The following LNPEP variants were observed in gnomAD, a reference collection of about 807,000 sequenced individuals.
LNPEP encodes leucyl and cystinyl aminopeptidase, also known as leucyl-cystinyl aminopeptidase.
Under a neutral mutation model 120.6 loss-of-function variants are expected in LNPEP, and 64 were observed. The ratio of observed to expected loss-of-function variants is 0.53; its 90% CI spans 0.43 to 0.65. The LOEUF is 0.65. Among genes scored for constraint, LNPEP ranks in the 30% least tolerant of loss-of-function variants. The pLI is 0.00. For missense variants in LNPEP, 1,057 were observed against 1,200.0 expected, an observed-to-expected ratio of 0.88 and a Z score of 1.76; for synonymous variants, 435 against 425.4, an observed-to-expected ratio of 1.02 and a Z score of -0.28.
At chr5:96,953,898 A>G (rs573034683) in intron 1 of LNPEP, among the ~76,000 whole-genome samples, 8 of 152,226 alleles carry the variant, frequency 5.3e-5, no homozygotes, top group African/African-American at 9.6e-5. Flanking sequence ...TTCTGAACCC[A>G]TAGCAGTTTC....
rs779763988 is a variant in LNPEP, at chr5:96,979,427, T to C, written c.309T>C (p.Cys103=). 5.6e-6 allele frequency: 9 copies of C among 1,613,994 alleles called. No individual in the cohort carries two copies. In the African/African-American group the frequency reaches 9.3e-5, roughly 17 times the overall value. The change falls in exon 2 of 18, where the codon TGT becomes TGC. Residue 103 remains cysteine (C), a synonymous_variant. Coordinates refer to ENST00000231368, the MANE Select transcript of LNPEP (RefSeq NM_005575.3). ...ACAGGCAGAGCCCAGATGGGGCTTG[T>C]TCAGTACCCTCTGCAAGGACCATGG... The part of the protein sequence containing the change: ...TGYRQSPDGA[C]SVPSARTMVV...
At chr5:96,954,685 CATATAT>C (rs1561430006) in intron 1 of LNPEP, among the ~76,000 whole-genome samples, 1 of 47,746 alleles carries the variant, frequency 2.1e-5, no homozygotes, top group Non-Finnish European at 4.6e-5. Context: ...CACATATATA[CATATAT>C]ACACATATAT....
chr5:96,948,006 A>G (rs1789231127), intron 1 of LNPEP, among the ~76,000 whole-genome samples: 1 of 152,188 alleles, frequency 6.6e-6, no homozygotes, highest in Non-Finnish European at 1.5e-5. Flanking sequence ...GACAGAAAAT[A>G]TAGCAAAGCA....
chr5:97,006,339 C>A (rs765518357), intron 10 of LNPEP, 88 bp from the exon 11 acceptor site: 1 of 1,254,786 alleles, frequency 8.0e-7, no homozygotes, highest in Non-Finnish European at 1.1e-6. Context: ...CAAGATTATC[C>A]CTTCCTAGGA....
At chr5:96,992,424 C>T (rs1269639735) in intron 4 of LNPEP, among the ~76,000 whole-genome samples, 1 of 152,090 alleles carries the variant, frequency 6.6e-6, no homozygotes, top group Admixed American at 6.5e-5. Flanking sequence ...ACTGGCTGTG[C>T]CATACTTACT....
At chr5:97,021,964 C>T (rs1426046803) in intron 13 of LNPEP, among the ~76,000 whole-genome samples, 1 of 103,230 alleles carries the variant, frequency 9.7e-6, no homozygotes, top group African/African-American at 3.9e-5. Context: ...CAGAGTCTTG[C>T]TCTGTTGCCC....
rs1272121145 is a variant in LNPEP at position 97,022,335 on chromosome 5, A to G, written c.2412A>G (p.Gln804=). The part of the protein sequence containing the change: ...RVFKLLQNQI[Q]QQTWTDEGTP... ...TTAAATTACTTCAAAACCAAATTCA[A>G]CAACAAACTTGGACTGATGAGGGCA... Residue 804 remains glutamine (Q), a synonymous_variant, in exon 14 of 18, where the codon CAA becomes CAG. Transcript: ENST00000231368. 7.4e-6 allele frequency: 12 copies of G among 1,612,236 alleles called. No individual in the cohort carries two copies. The highest frequency in any genetic ancestry group is 1.0e-5 in the Non-Finnish European group (12 of 1,178,984).
rs921792761 is a variant in LNPEP, at chr5:97,028,828, T to C, written c.*295T>C. 1 of 247,840 alleles carries C rather than the reference T, an allele frequency of 4.0e-6. No individual in the cohort carries two copies. Among genetic ancestry groups the C allele is most frequent in the Admixed American group, 5.4e-5 (1 of 18,680 alleles). 15.4% of individuals were successfully genotyped at this position (247,840 alleles called of 1,614,324 possible). On this transcript the variant is annotated 3_prime_UTR_variant, in exon 18 of 18. Transcript: ENST00000231368. ...CACAGATGGGGACAAAAACCCTGTT[T>C]TGGAATTCTGTTCTATTCCTCAGTA...
At chr5:97,013,884 G>A (rs1790997536) in intron 12 of LNPEP, 53 bp downstream of exon 12, 6 of 1,285,948 alleles carry the variant, frequency 4.7e-6, no homozygotes, top group Admixed American at 4.5e-5. Flanking sequence ...ATGTCATTGA[G>A]GTAAAGAACA....
rs183061574 is a variant in LNPEP, at chr5:97,011,460, G to A, written c.2036-2188G>A. 1.4e-3 allele frequency among the ~76,000 whole-genome samples: 220 copies of A among 152,212 alleles called. 1 individual carries two copies. Among genetic ancestry groups the A allele is most frequent in the Middle Eastern group, 0.014 (4 of 294 alleles). On this transcript the variant is annotated intron_variant, in intron 11 of 17. Coordinates refer to ENST00000231368, the MANE Select transcript of LNPEP (RefSeq NM_005575.3). ...GTCCAGGCTGCTCTCAAACTCCTGG[G>A]CTCAAGTGATCCTCCTGCCTTGGTC... is the stretch of plus-strand genomic sequence containing the variant.
Position 97,014,999 on chromosome 5 carries a change from C to T in LNPEP, c.2280C>T (p.Asn760=). The T allele has an allele frequency of 6.3e-7, 1 of 1,591,900 alleles. No individual in the cohort carries two copies. The highest frequency in any genetic ancestry group is 1.2e-5 in the South Asian group (1 of 85,952). ...FDLINYLGNE[N]HTAPITEALF... ...TGATTAATTATCTTGGAAATGAGAACCATACTGCACCCATCACCGAAGCCC... is the reference window on the plus strand; with the variant it reads ...TGATTAATTATCTTGGAAATGAGAATCATACTGCACCCATCACCGAAGCCC... The change falls in exon 13 of 18, where the codon AAC becomes AAT. Residue 760 remains asparagine, a synonymous_variant. Transcript: ENST00000231368.
At chr5:96,964,083 A>G (rs1475545668) in intron 1 of LNPEP, among the ~76,000 whole-genome samples, 1 of 145,772 alleles carries the variant, frequency 6.9e-6, no homozygotes, top group Non-Finnish European at 1.5e-5. Context: ...CTACTGTTCT[A>G]CTCTCTGCTC....
chr5:97,019,264 C>T lies in LNPEP; in HGVS notation c.2377-3036C>T, dbSNP rs1423564. On this transcript the variant is annotated intron_variant, in intron 13 of 17. Transcript: ENST00000231368. The stretch of plus-strand genomic sequence containing the variant: ...TTCACTTTGTAAAATCATAGAGTTG[C>T]ATTCTATTGTTGAAAGAGCTTAAAT... Among the ~76,000 whole-genome samples the T allele has an allele frequency of 4.0e-3, 614 of 152,164 alleles. 5 individuals carry two copies. The highest frequency in any genetic ancestry group is 0.014 in the African/African-American group (591 of 41,504).
At chr5:96,939,296 C>G (rs1387754338) in intron 1 of LNPEP, among the ~76,000 whole-genome samples, 2 of 151,814 alleles carry the variant, frequency 1.3e-5, no homozygotes, top group East Asian at 1.9e-4. Context: ...TCACTGCAAC[C>G]TCTGCCTCCC....
chr5:96,946,651 T>C (rs1051802004), intron 1 of LNPEP, among the ~76,000 whole-genome samples: 2 of 152,224 alleles, frequency 1.3e-5, no homozygotes, highest in Non-Finnish European at 2.9e-5. Context: ...AATCCATAAC[T>C]AATTTTTTAA....
At chr5:96,998,203 A>T in intron 8 of LNPEP, 58 bp downstream of exon 8, 3 of 1,274,472 alleles carry the variant, frequency 2.4e-6, no homozygotes, top group Non-Finnish European at 3.3e-6. Flanking sequence ...ATAATTTCGT[A>T]TGTGAGCAAG....
At position 97,035,982 on chromosome 5, in the gene LNPEP, C is replaced by T. The variant is rs1036027100; in HGVS notation, c.*7449C>T. ...AATATTGAATAAAGCTGTGTTTAAA[C>T]TTCATTGCTCATATATCTTTTAGTA... is the stretch of plus-strand genomic sequence containing the variant. On this transcript the variant is annotated 3_prime_UTR_variant, in exon 18 of 18. Coordinates refer to ENST00000231368, the MANE Select transcript of LNPEP (RefSeq NM_005575.3). 48 of 152,152 alleles carry T rather than the reference C, an allele frequency of 3.2e-4. No homozygotes were observed. The highest frequency in any genetic ancestry group is 1.1e-3 in the African/African-American group (46 of 41,442). The allele number at this position is 152,152 out of a possible 1,614,324, so 9.4% of individuals were successfully genotyped here.
chr5:96,986,757 G>A (rs1790253965), intron 4 of LNPEP, 87 bp downstream of exon 4: 2 of 1,217,712 alleles, frequency 1.6e-6, no homozygotes, highest in South Asian at 3.3e-5. Flanking sequence ...TATTTGCTGT[G>A]TGAAATAAAT....
intron 6 of LNPEP, among the ~76,000 whole-genome samples, chr5:96,995,814 G>A (rs1376997825): frequency 1.3e-5 from 2 of 152,152 alleles, no homozygotes; most frequent in Non-Finnish European, 2.9e-5. Context: ...AAGCCACGAT[G>A]CCCAGCCTGT....
Sources: allele counts gnomAD v4.1 joint callset (sites outside exome capture counted in the v4.1 genomes callset), GRCh38; gene constraint gnomAD v4.1.1; transcripts MANE v1.5; gene names NCBI Gene and HGNC (gene_info 2026-07-23, HGNC 2026-07-21).